B3GALT1: variants seen among roughly 807,000 people sequenced by gnomAD.
B3GALT1 encodes the protein UDP-Gal:betaGlcNAc beta 1,3-galactosyltransferase, polypeptide 1.
Under a neutral mutation model 23.2 loss-of-function variants are expected in B3GALT1, and 10 were observed. That is an observed-to-expected ratio of 0.43 (90% CI 0.27 to 0.73). The LOEUF is 0.73. B3GALT1 is among the 30% of genes least tolerant of loss of function. The pLI is 0.21. For synonymous variants in B3GALT1, 156 were observed against 141.5 expected (o/e 1.10, Z -0.73); for missense variants, 299 against 405.4 (o/e 0.74, Z 2.25).
At position 167,870,978 on chromosome 2, in the gene B3GALT1, CCA is replaced by C. The variant is rs1690336168; in HGVS notation, c.*965_*966del. 1 of 164,940 alleles carries C rather than the reference CCA, an allele frequency of 6.1e-6. No homozygotes were observed. Among genetic ancestry groups the C allele is most frequent in the Admixed American group, 6.5e-5 (1 of 15,278 alleles). 10.2% of individuals were successfully genotyped at this position (164,940 alleles called of 1,614,324 possible). A position where few individuals can be genotyped will look rare whatever the true frequency, so the allele number is the denominator to read the frequency against. ...AGCTTAGCAATAGTATAAGATGCCCCCACACACAGACATTTGCAAAGCACATG... is the reference window on the plus strand; with the variant it reads ...AGCTTAGCAATAGTATAAGATGCCCCCACACAGACATTTGCAAAGCACATG... On this transcript the variant is annotated 3_prime_UTR_variant, in exon 5 of 5. Transcript: ENST00000392690.
chr2:167,802,919 T>C (rs76058613), intron 3 of B3GALT1, among the ~76,000 whole-genome samples: 1 of 99,584 alleles, frequency 1.0e-5, no homozygotes, highest in Non-Finnish European at 1.9e-5. Context: ...TAAATTAGTA[T>C]TTTTTTATCA....
At chr2:167,627,773 A>G (rs1010194762) in intron 2 of B3GALT1, among the ~76,000 whole-genome samples, 2 of 151,638 alleles carry the variant, frequency 1.3e-5, no homozygotes, top group Admixed American at 6.6e-5. Context: ...ATGTGGCTGT[A>G]CCCATTTGTG....
chr2:167,692,959 A>AGCC (rs1374506448), intron 3 of B3GALT1, among the ~76,000 whole-genome samples: 4 of 152,042 alleles, frequency 2.6e-5, no homozygotes, highest in African/African-American at 9.7e-5. Flanking sequence ...AAGTTTGATG[A>AGCC]GCCAAGGAAA....
chr2:167,325,573 T>TC (rs1349189460), intron 1 of B3GALT1, among the ~76,000 whole-genome samples: 2 of 151,838 alleles, frequency 1.3e-5, no homozygotes, highest in Non-Finnish European at 2.9e-5. Context: ...AGGCCCCACC[T>TC]CCAACATCGG....
intron 1 of B3GALT1, among the ~76,000 whole-genome samples, chr2:167,336,241 G>A (rs1294860615): frequency 6.6e-6 from 1 of 152,124 alleles, no homozygotes; most frequent in East Asian, 1.9e-4. Flanking sequence ...CTAAGATGAT[G>A]TGGAATCCTT....
intron 3 of B3GALT1, chr2:167,715,396 T>A: frequency 6.2e-7 from 1 of 1,612,936 alleles, no homozygotes. Flanking sequence ...GCAAAAGCTG[T>A]TTCTGGCTTT....
Position 167,397,062 on chromosome 2 carries a change from G to A in B3GALT1, c.-510-93115G>A, listed in dbSNP as rs76294286. The stretch of plus-strand genomic sequence containing the variant: ...GCCAAGTCTTCAAATCCAACTTCTC[G>A]TAAAAGTTTGTGAAATTGTACCCTT... On this transcript the variant is annotated intron_variant, in intron 1 of 4. Transcript: ENST00000392690. Among the ~76,000 whole-genome samples the A allele has an allele frequency of 3.2e-3, 484 of 152,086 alleles. 18 individuals are homozygous for A. In the East Asian group the frequency reaches 0.078, roughly 24 times the overall value.
At chr2:167,512,595 T>TAC (rs1700033843) in intron 2 of B3GALT1, among the ~76,000 whole-genome samples, 2 of 56,874 alleles carry the variant, frequency 3.5e-5, no homozygotes, top group Non-Finnish European at 5.8e-5. Context: ...TATATATGTG[T>TAC]ATATATATAT....
chr2:167,767,897 A>T (rs1688004755), intron 3 of B3GALT1, among the ~76,000 whole-genome samples: 3 of 152,120 alleles, frequency 2.0e-5, no homozygotes, highest in African/African-American at 7.2e-5. Context: ...CAAGCTGCAG[A>T]CCCAGGGAAG....
chr2:167,403,905 C>A (rs575138180), intron 1 of B3GALT1, among the ~76,000 whole-genome samples: 1 of 151,972 alleles, frequency 6.6e-6, no homozygotes, highest in African/African-American at 2.4e-5. Flanking sequence ...TTGTTTGGCT[C>A]CCAAGAAGCA....
At chr2:167,831,851 T>C (rs1440931218) in intron 4 of B3GALT1, among the ~76,000 whole-genome samples, 1 of 152,072 alleles carries the variant, frequency 6.6e-6, no homozygotes, top group Non-Finnish European at 1.5e-5. Flanking sequence ...GGAGAGAAAA[T>C]AATGACTCAA....
At chr2:167,522,397 C>A (rs1282972487) in intron 2 of B3GALT1, among the ~76,000 whole-genome samples, 1 of 152,030 alleles carries the variant, frequency 6.6e-6, no homozygotes, top group African/African-American at 2.4e-5. Flanking sequence ...CAATTCTGGT[C>A]AAATATTCCA....
At chr2:167,702,683 A>T (rs1686899005) in intron 3 of B3GALT1, among the ~76,000 whole-genome samples, 1 of 152,210 alleles carries the variant, frequency 6.6e-6, no homozygotes, top group Non-Finnish European at 1.5e-5. Context: ...CAGAAAATCA[A>T]ATTTATTCCC....
At chr2:167,775,890 T>G (rs1323274360) in intron 3 of B3GALT1, among the ~76,000 whole-genome samples, 2 of 152,170 alleles carry the variant, frequency 1.3e-5, no homozygotes, top group Non-Finnish European at 2.9e-5. Flanking sequence ...CTCCGGGAAC[T>G]GTCAAAAGAC....
chr2:167,442,673 T>C (rs1698914542), intron 1 of B3GALT1, among the ~76,000 whole-genome samples: 2 of 150,434 alleles, frequency 1.3e-5, no homozygotes, highest in Admixed American at 6.6e-5. Flanking sequence ...TGCATAAATG[T>C]CTTCTTTTGA....
chr2:167,542,481 C>A (rs993041038), intron 2 of B3GALT1, among the ~76,000 whole-genome samples: 17 of 152,146 alleles, frequency 1.1e-4, no homozygotes, highest in African/African-American at 3.6e-4. Context: ...AAGCCACAGG[C>A]ATAGTTTCTT....
chr2:167,841,283 G>T (rs12476221), intron 4 of B3GALT1, among the ~76,000 whole-genome samples: 4 of 151,242 alleles, frequency 2.6e-5, no homozygotes, highest in Non-Finnish European at 5.9e-5. Flanking sequence ...TCCTGCCCCA[G>T]GGTGTTAGAG....
At chr2:167,689,360 A>G (rs1268795060) in intron 3 of B3GALT1, among the ~76,000 whole-genome samples, 1 of 152,140 alleles carries the variant, frequency 6.6e-6, no homozygotes, top group African/African-American at 2.4e-5. Flanking sequence ...TCTCAGATCA[A>G]GAAAATTAAG....
intron 3 of B3GALT1, among the ~76,000 whole-genome samples, chr2:167,724,166 C>A (rs553358519): frequency 2.0e-5 from 3 of 152,254 alleles, no homozygotes; most frequent in East Asian, 3.9e-4. Flanking sequence ...CTCTTTGATT[C>A]TTGGTTTACT....
Sources: gnomAD v4.1 joint callset for allele counts (sites outside exome capture counted in the v4.1 genomes callset) on GRCh38, gnomAD v4.1.1 for gene constraint, MANE v1.5 for transcripts, NCBI Gene and HGNC (gene_info 2026-07-23, HGNC 2026-07-21) for gene names.